The following TP53AIP1 variants were observed in gnomAD, a reference collection of about 807,000 sequenced individuals.
TP53AIP1 encodes tumor protein p53 regulated apoptosis inducing protein 1.
TP53AIP1 carries 14 observed loss-of-function variants against 9.5 expected under a neutral mutation model. That is an observed-to-expected ratio of 1.47 (90% CI 0.97 to 2.30). TP53AIP1 has a LOEUF of 2.30. TP53AIP1 is among the 30% of genes most tolerant of loss of function. The pLI is 0.00. For synonymous variants in TP53AIP1, 73 were observed against 61.2 expected (o/e 1.19, Z -0.90); for missense variants, 153 against 146.7 (o/e 1.04, Z -0.22).
At chr11:128,934,732 C>T (rs976425820), downstream of TP53AIP1, 4 of 391,680 alleles carry the variant, frequency 1.0e-5, no homozygotes, top group African/African-American at 8.2e-5. Flanking sequence ...AGACAAGGCC[C>T]TGAGTGCACA....
At chr11:128,934,739 C>T (rs762606941), downstream of TP53AIP1, 1 of 413,718 alleles carries the variant, frequency 2.4e-6, no homozygotes, top group Non-Finnish European at 4.4e-6. Context: ...GCCCTGAGTG[C>T]ACATCATTTA....
At chr11:128,941,233 G>A (rs1421081485) in intron 1 of TP53AIP1, among the ~76,000 whole-genome samples, 1 of 152,136 alleles carries the variant, frequency 6.6e-6, no homozygotes, top group Non-Finnish European at 1.5e-5. Context: ...CTGTCTTCTT[G>A]CCCCGCTCTG....
chr11:128,939,655 G>A lies in TP53AIP1; in HGVS notation c.-76-1761C>T, dbSNP rs554723838. On this transcript the variant is annotated intron_variant, in intron 1 of 3. Transcript: ENST00000531399. This position sits in a 1 kb window ranked among gnomAD's most constrained non-coding sequence, Gnocchi z 4.1. The stretch of plus-strand genomic sequence containing the variant: ...ATCCCCTTTCCAACCCGAAACTGTC[G>A]GATTCTCTAAGAGGTCCGTCACAAC... Among the ~76,000 whole-genome samples, 29 of 152,280 alleles carry A rather than the reference G, an allele frequency of 1.9e-4. No homozygotes were observed. The highest frequency in any genetic ancestry group is 6.3e-4 in the African/African-American group (26 of 41,554).
In TP53AIP1 at chr11:128,937,998, A is replaced by T; in HGVS notation, c.-76-104T>A. ...GGTTTCAGTTGTACTTGGATCTGGG[A>T]GGGGGAAGCCGATGCACCCAGAGAC... On this transcript the variant is annotated intron_variant, in intron 1 of 3. Transcript: ENST00000531399. The surrounding 1 kb of genome is among the most constrained non-coding windows in gnomAD (Gnocchi z 4.8). The T allele has an allele frequency of 4.2e-6, 3 of 707,732 alleles. No homozygotes were observed. The highest frequency in any genetic ancestry group is 4.5e-6 in the Non-Finnish European group (2 of 442,232). The allele number at this position is 707,732 out of a possible 1,614,324, so 43.8% of individuals were successfully genotyped here.
In TP53AIP1 at chr11:128,937,701, C is replaced by A; in HGVS notation, c.118G>T (p.Ala40Ser). ...NLSVMPPNGR[A>S]QTHTPGWVSD... ...ACCCAGCCAGGTGTGTGTGTCTGAG[C>A]CCTGCCATTCGGAGGCATCACCGAG... Residue 40 changes from alanine (A) to serine (S), a missense_variant, in exon 2 of 4, where the codon GCT becomes TCT. Ala to Ser is a moderately conservative substitution (Grantham distance 99). Transcript: ENST00000531399. This position sits in a 1 kb window ranked among gnomAD's most constrained non-coding sequence, Gnocchi z 4.8. 6.2e-7 allele frequency: 1 copy of A among 1,614,142 alleles called. No homozygotes were observed. Among genetic ancestry groups the A allele is most frequent in the Non-Finnish European group, 8.5e-7 (1 of 1,180,022 alleles).
intron 1 of TP53AIP1, among the ~76,000 whole-genome samples, 181 bp downstream of exon 1, chr11:128,942,613 A>G (rs1944969661): frequency 6.6e-6 from 1 of 152,212 alleles, no homozygotes; most frequent in African/African-American, 2.4e-5. Context: ...GTTCAGAACC[A>G]TTGAGAGAGA....
chr11:128,936,241 C>T, intron 3 of TP53AIP1: 3 of 1,135,316 alleles, frequency 2.6e-6, no homozygotes, highest in Non-Finnish European at 3.2e-6. Context: ...CAAATCTGTC[C>T]TATTGTCCAG....
At chr11:128,938,931 G>C (rs1308880236) in intron 1 of TP53AIP1, among the ~76,000 whole-genome samples, 2 of 152,202 alleles carry the variant, frequency 1.3e-5, no homozygotes, top group African/African-American at 4.8e-5. Flanking sequence ...TCAGGTTAAA[G>C]AGAACGTAGA....
In TP53AIP1 at chr11:128,939,528, T is replaced by A. The variant is rs1312076241; in HGVS notation, c.-76-1634A>T. Among the ~76,000 whole-genome samples the A allele has an allele frequency of 6.6e-6, 1 of 152,240 alleles. No homozygotes were observed. Among genetic ancestry groups the A allele is most frequent in the Non-Finnish European group, 1.5e-5 (1 of 68,040 alleles). The stretch of plus-strand genomic sequence containing the variant: ...TCTCCAGAGTTCACACCTATGCATC[T>A]GGTTCAATGCTGGGCATTTTGTCAG... On this transcript the variant is annotated intron_variant, in intron 1 of 3. Transcript: ENST00000531399. This position sits in a 1 kb window ranked among gnomAD's most constrained non-coding sequence, Gnocchi z 4.1.
Position 128,939,151 on chromosome 11 carries a change from C to T in TP53AIP1, c.-76-1257G>A, listed in dbSNP as rs1297858660. Among the ~76,000 whole-genome samples the T allele has an allele frequency of 6.6e-6, 1 of 152,180 alleles. No individual in the cohort carries two copies. The highest frequency in any genetic ancestry group is 1.5e-5 in the Non-Finnish European group (1 of 68,040). On this transcript the variant is annotated intron_variant, in intron 1 of 3. Coordinates refer to ENST00000531399, the MANE Select transcript of TP53AIP1 (RefSeq NM_022112.3). The surrounding 1 kb of genome is among the most constrained non-coding windows in gnomAD (Gnocchi z 4.1). ...TGCACGTTACGAAAATGTAAAAGAA[C>T]GAACACGGCTTCAATACCAGGATTG...
chr11:128,935,898 C>A, intron 3 of TP53AIP1, 186 bp from the exon 4 acceptor site: 1 of 1,311,736 alleles, frequency 7.6e-7, no homozygotes, highest in Non-Finnish European at 9.7e-7. Context: ...CTTTAGATTT[C>A]ATAGATATCA....
At position 128,937,723 on chromosome 11, in the gene TP53AIP1, C is replaced by A. The variant is rs151337184; in HGVS notation, c.96G>T (p.Ser32=). The A allele has an allele frequency of 1.2e-6, 2 of 1,614,168 alleles. No individual in the cohort carries two copies. Among genetic ancestry groups the A allele is most frequent in the African/African-American group, 2.7e-5 (2 of 75,038 alleles). The change falls in exon 2 of 4, where the codon TCG becomes TCT. Residue 32 remains serine (S), a synonymous_variant. Transcript: ENST00000531399. The surrounding 1 kb of genome is among the most constrained non-coding windows in gnomAD (Gnocchi z 4.8). The part of the protein sequence containing the change: ...QGLGRGDQNL[S]VMPPNGRAQT... ...GAGCCCTGCCATTCGGAGGCATCAC[C>A]GAGAGGTTCTGGTCTCCCCTGCCCA... is the stretch of plus-strand genomic sequence containing the variant.
chr11:128,939,946 C>T lies in TP53AIP1; in HGVS notation c.-76-2052G>A, dbSNP rs372025703. On this transcript the variant is annotated intron_variant, in intron 1 of 3. Transcript: ENST00000531399. This position sits in a 1 kb window ranked among gnomAD's most constrained non-coding sequence, Gnocchi z 4.1. ...TTCATGCCGGGACTCAGGTTGCACA[C>T]GGCCAGTGGTCCCGGGATATCCAGG... Among the ~76,000 whole-genome samples the T allele has an allele frequency of 2.2e-4, 33 of 152,314 alleles. No individual in the cohort carries two copies. Among genetic ancestry groups the T allele is most frequent in the East Asian group, 9.6e-4 (5 of 5,188 alleles).
chr11:128,937,279 C>T lies in TP53AIP1; in HGVS notation c.141+399G>A. ...TCCGGGGTGGACGCAGAAGAGCAGG[C>T]CCGGAGCCCTGCACCCCAGCCTTCC... is the stretch of plus-strand genomic sequence containing the variant. On this transcript the variant is annotated intron_variant, in intron 2 of 3. Transcript: ENST00000531399. The surrounding 1 kb of genome is among the most constrained non-coding windows in gnomAD (Gnocchi z 4.8). The T allele has an allele frequency of 1.5e-6, 2 of 1,335,800 alleles. No homozygotes were observed. The highest frequency in any genetic ancestry group is 1.9e-6 in the Non-Finnish European group (2 of 1,046,466). The allele number at this position is 1,335,800 out of a possible 1,614,324, so 82.7% of individuals were successfully genotyped here. A position where few individuals can be genotyped will look rare whatever the true frequency, so the allele number is the denominator to read the frequency against.
intron 3 of TP53AIP1, 106 bp downstream of exon 3, chr11:128,936,432 A>T: frequency 7.0e-7 from 1 of 1,422,536 alleles, no homozygotes; most frequent in Admixed American, 3.1e-5. Flanking sequence ...GAGAGGGTCA[A>T]ACTCAAAAAA....
At chr11:128,938,691 C>T (rs2604224) in intron 1 of TP53AIP1, among the ~76,000 whole-genome samples, 46,666 of 152,040 alleles carry the variant, frequency 0.31, 7,662 homozygotes, top group South Asian at 0.5. Context: ...TTCCCCAGGG[C>T]GGCGGGAGCT....
chr11:128,935,374 T>C lies in TP53AIP1; in HGVS notation c.*217A>G, dbSNP rs1425711209. ...GGAATGCAAACTTCACAAGAATTTT[T>C]TTCCAGCTTTTATTTCAGATTTGGG... On this transcript the variant is annotated 3_prime_UTR_variant, in exon 4 of 4. Coordinates refer to ENST00000531399, the MANE Select transcript of TP53AIP1 (RefSeq NM_022112.3). 77 of 1,414,404 alleles carry C rather than the reference T, an allele frequency of 5.4e-5. No homozygotes were observed. The highest frequency in any genetic ancestry group is 7.0e-5 in the Non-Finnish European group (76 of 1,090,232). 87.6% of individuals were successfully genotyped at this position (1,414,404 alleles called of 1,614,324 possible). A position where few individuals can be genotyped will look rare whatever the true frequency, so the allele number is the denominator to read the frequency against.
chr11:128,936,387 G>A, intron 3 of TP53AIP1, 151 bp downstream of exon 3: 9 of 1,419,524 alleles, frequency 6.3e-6, no homozygotes, highest in Non-Finnish European at 8.2e-6. Context: ...TTACAACTCT[G>A]CCATGATGTC....
intron 1 of TP53AIP1, among the ~76,000 whole-genome samples, chr11:128,940,751 C>T (rs979270465): frequency 1.3e-5 from 2 of 152,214 alleles, no homozygotes; most frequent in African/African-American, 2.4e-5. Context: ...AGTCCCCACC[C>T]ACACACTCAA....
Sources: gnomAD v4.1 joint callset for allele counts (sites outside exome capture counted in the v4.1 genomes callset) on GRCh38, gnomAD v4.1.1 for gene constraint, Gnocchi (gnomAD v3.1) non-coding constraint, MANE v1.5 for transcripts, NCBI Gene and HGNC (gene_info 2026-07-23, HGNC 2026-07-21) for gene names.